The following TMCC2 variants were observed in gnomAD, a reference collection of about 807,000 sequenced individuals.
TMCC2 encodes transmembrane and coiled-coil domains protein 2.
In TMCC2, 16 loss-of-function variants were observed where a neutral mutation model predicts 49.4. That is an observed-to-expected ratio of 0.32 (90% CI 0.22 to 0.49). TMCC2 has a LOEUF of 0.49. Among genes scored for constraint, TMCC2 ranks in the 20% least tolerant of loss-of-function variants. The pLI is 0.99. For missense variants in TMCC2, 762 were observed against 989.8 expected (o/e 0.77, Z 3.09); for synonymous variants, 397 against 434.1 (o/e 0.91, Z 1.06).
At chr1:205,248,095 T>TAAAAAC (rs1249183054) in intron 2 of TMCC2, among the ~76,000 whole-genome samples, 5 of 152,134 alleles carry the variant, frequency 3.3e-5, no homozygotes, top group Admixed American at 1.3e-4. Flanking sequence ...CTTCCCTGTT[T>TAAAAAC]AAAAACAAAA....
chr1:205,246,398 A>C, intron 2 of TMCC2: 1 of 944,256 alleles, frequency 1.1e-6, no homozygotes, highest in East Asian at 4.3e-5. Context: ...CCAAATAAGC[A>C]GTCAGCTGTA....
chr1:205,231,007 C>T (rs1257943366), intron 1 of TMCC2, among the ~76,000 whole-genome samples: 5 of 129,538 alleles, frequency 3.9e-5, no homozygotes, highest in African/African-American at 1.1e-4. Flanking sequence ...TCCCCCCCCC[C>T]GCCCCCAGAG....
intron 2 of TMCC2, among the ~76,000 whole-genome samples, chr1:205,253,530 C>T (rs1353349877): frequency 6.6e-6 from 1 of 152,202 alleles, no homozygotes; most frequent in Non-Finnish European, 1.5e-5. Context: ...TGATAGTGAC[C>T]ACTCTGTGTC....
chr1:205,264,784 G>A lies in TMCC2; in HGVS notation c.748-4166G>A, dbSNP rs1177872106. 2.0e-5 allele frequency among the ~76,000 whole-genome samples: 3 copies of A among 152,118 alleles called. No homozygotes were observed. The highest frequency in any genetic ancestry group is 6.5e-5 in the Admixed American group (1 of 15,272). The stretch of plus-strand genomic sequence containing the variant: ...TGGGATTACAGGTGTGAGCCACTGC[G>A]CCTGGCCCCTGTATTTTAAAATTTG... On this transcript the variant is annotated intron_variant, in intron 2 of 4. Coordinates refer to ENST00000358024, the MANE Select transcript of TMCC2 (RefSeq NM_014858.4). This position sits in a 1 kb window ranked among gnomAD's most constrained non-coding sequence, Gnocchi z 4.2.
At chr1:205,267,179 A>G (rs958538486) in intron 2 of TMCC2, among the ~76,000 whole-genome samples, 1 of 152,188 alleles carries the variant, frequency 6.6e-6, no homozygotes, top group African/African-American at 2.4e-5. Context: ...GTGGTTGTCC[A>G]CAGCATCCCC....
chr1:205,256,354 T>C (rs1408301678), intron 2 of TMCC2: 1 of 1,550,958 alleles, frequency 6.4e-7, no homozygotes, highest in South Asian at 1.2e-5. Flanking sequence ...CCCCCTCTGC[T>C]GGCCACTCAC....
At chr1:205,266,482 A>G (rs1254732637) in intron 2 of TMCC2, among the ~76,000 whole-genome samples, 1 of 151,562 alleles carries the variant, frequency 6.6e-6, no homozygotes, top group Non-Finnish European at 1.5e-5. Context: ...AATCCCAGCT[A>G]CTCAGGAAGC....
intron 2 of TMCC2, chr1:205,246,712 T>C: frequency 6.5e-7 from 1 of 1,549,018 alleles, no homozygotes. Flanking sequence ...GAATACATTT[T>C]AAAAATCAAA....
chr1:205,268,536 C>A (rs1661441728), intron 2 of TMCC2, among the ~76,000 whole-genome samples: 1 of 152,188 alleles, frequency 6.6e-6, no homozygotes, highest in African/African-American at 2.4e-5. Context: ...ATCCCTTGAA[C>A]CAGGGAGGTG....
At chr1:205,254,008 A>T (rs1487249282) in intron 2 of TMCC2, among the ~76,000 whole-genome samples, 2 of 152,032 alleles carry the variant, frequency 1.3e-5, no homozygotes. Flanking sequence ...TGGCTCATTC[A>T]CCCTCTCCTC....
At chr1:205,246,361 T>C (rs1260408640) in intron 2 of TMCC2, 4 of 487,408 alleles carry the variant, frequency 8.2e-6, no homozygotes, top group Non-Finnish European at 1.2e-5. Flanking sequence ...CAGTTTGAAG[T>C]GGCTATTAAA....
At chr1:205,263,359 ACTC>A (rs1661194215) in intron 2 of TMCC2, among the ~76,000 whole-genome samples, 2 of 152,030 alleles carry the variant, frequency 1.3e-5, no homozygotes, top group Admixed American at 1.3e-4. Flanking sequence ...GCTGGGGAGA[ACTC>A]CTTTCTTTTT....
intron 3 of TMCC2, among the ~76,000 whole-genome samples, chr1:205,270,730 C>T (rs753389264): frequency 1.3e-5 from 2 of 152,210 alleles, no homozygotes; most frequent in African/African-American, 2.4e-5. Flanking sequence ...CAGAGAGCAT[C>T]TGAGCCTAGG....
chr1:205,256,295 A>C (rs1660868230), intron 2 of TMCC2: 1 of 1,548,458 alleles, frequency 6.5e-7, no homozygotes, highest in South Asian at 1.2e-5. Flanking sequence ...TCAGCTGGCC[A>C]GCCGGTGACA....
chr1:205,242,191 G>T, intron 2 of TMCC2, 147 bp downstream of exon 2: 1 of 937,422 alleles, frequency 1.1e-6, no homozygotes. Flanking sequence ...TTGGTTAAAG[G>T]AGTCGGGTAT....
chr1:205,268,509 G>T (rs1393287537), intron 2 of TMCC2, among the ~76,000 whole-genome samples: 2 of 152,198 alleles, frequency 1.3e-5, no homozygotes, highest in Non-Finnish European at 2.9e-5. Context: ...GGCTTCTCGG[G>T]AGGCAGAGGC....
At chr1:205,246,756 ATGC>A in intron 2 of TMCC2, 1 of 1,495,270 alleles carries the variant, frequency 6.7e-7, no homozygotes, top group Non-Finnish European at 9.1e-7. Context: ...AGTCTCTGGT[ATGC>A]AGCTATTTTA....
intron 1 of TMCC2, chr1:205,233,852 G>T (rs1418736694): frequency 6.6e-6 from 1 of 151,506 alleles, no homozygotes; most frequent in Non-Finnish European, 1.5e-5. Flanking sequence ...ATAGGTCTCA[G>T]TTTCTCCTTT....
intron 2 of TMCC2, among the ~76,000 whole-genome samples, chr1:205,248,948 C>T (rs1171288980): frequency 5.1e-4 from 77 of 152,290 alleles, no homozygotes; most frequent in Non-Finnish European, 2.9e-4. Context: ...CTCACCCCTT[C>T]CCCTCCTGCA....
Sources: gnomAD v4.1 joint callset for allele counts (sites outside exome capture counted in the v4.1 genomes callset) on GRCh38, gnomAD v4.1.1 for gene constraint, Gnocchi (gnomAD v3.1) non-coding constraint, MANE v1.5 for transcripts, NCBI Gene and HGNC (gene_info 2026-07-23, HGNC 2026-07-21) for gene names.